The following LMNB1 variants were observed in gnomAD, a reference collection of about 807,000 sequenced individuals.
The protein encoded by LMNB1 is lamin B1, also known as lamin-B1.
A neutral mutation model predicts 67.1 loss-of-function variants in LMNB1; 23 were observed. The observed-to-expected ratio is 0.34, with a 90% CI of 0.25 to 0.49. The LOEUF (loss-of-function observed/expected upper bound fraction) is 0.49, where lower values mean the gene tolerates loss of function less well. Among genes scored for constraint, LMNB1 ranks in the 20% least tolerant of loss-of-function variants. The probability of loss-of-function intolerance (pLI) is 0.99; values close to 1 mark genes in which losing one functional copy is unlikely to be tolerated. For synonymous variants in LMNB1, 281 were observed against 282.9 expected, an observed-to-expected ratio of 0.99 and a Z score of 0.07; for missense variants, 634 against 746.5, an observed-to-expected ratio of 0.85 and a Z score of 1.76.
intron 1 of LMNB1, among the ~76,000 whole-genome samples, chr5:126,781,252 C>T (rs986338471): frequency 6.6e-5 from 10 of 151,956 alleles, no homozygotes; most frequent in East Asian, 3.9e-4. Context: ...ATCACACCAC[C>T]GCACTCCATC....
intron 1 of LMNB1, among the ~76,000 whole-genome samples, chr5:126,800,951 C>CTACATATATATATATATATATATA (rs1210732092): frequency 2.1e-5 from 1 of 47,314 alleles, no homozygotes; most frequent in Admixed American, 3.6e-4. Context: ...TGCAGCCAGA[C>CTACATATATATATATATATATATA]TATATATATA....
intron 1 of LMNB1, among the ~76,000 whole-genome samples, chr5:126,792,821 C>A (rs915487254): frequency 6.6e-6 from 1 of 151,816 alleles, no homozygotes; most frequent in Non-Finnish European, 1.5e-5. Context: ...GGTGATCCAC[C>A]CGCCTCGGCC....
At chr5:126,779,840 G>A (rs1248757296) in intron 1 of LMNB1, among the ~76,000 whole-genome samples, 2 of 152,216 alleles carry the variant, frequency 1.3e-5, no homozygotes, top group African/African-American at 4.8e-5. Flanking sequence ...AGGCCATCCT[G>A]GCTAACAAGG....
chr5:126,781,547 T>C (rs1230309392), intron 1 of LMNB1, among the ~76,000 whole-genome samples: 2 of 151,946 alleles, frequency 1.3e-5, no homozygotes, highest in East Asian at 3.9e-4. Flanking sequence ...AGCGATGCTC[T>C]TGACCCAGCC....
At chr5:126,800,472 G>A (rs1209722977) in intron 1 of LMNB1, among the ~76,000 whole-genome samples, 2 of 151,658 alleles carry the variant, frequency 1.3e-5, no homozygotes, top group African/African-American at 4.8e-5. Flanking sequence ...GGAGAGTGAA[G>A]TCCGAGGCTC....
Position 126,826,097 on chromosome 5 carries a change from C to T in LMNB1, c.1601C>T (p.Ser534Phe). ...GEDVKVILKN[S>F]QGEEVAQRST... ...GATGTGAAGGTTATATTGAAAAATT[C>T]TCAGGGAGAGGTATGGCCAGTTTAT... Residue 534 changes from serine to phenylalanine, a missense_variant, in exon 9 of 11, where the codon TCT (serine) becomes TTT (phenylalanine). Transcript: ENST00000261366. 4 of 1,612,418 alleles carry T rather than the reference C, an allele frequency of 2.5e-6. No individual in the cohort carries two copies. The highest frequency in any genetic ancestry group is 3.4e-6 in the Non-Finnish European group (4 of 1,178,702).
intron 9 of LMNB1, among the ~76,000 whole-genome samples, chr5:126,830,540 A>G (rs1172030755): frequency 1.3e-5 from 2 of 152,170 alleles, no homozygotes; most frequent in Non-Finnish European, 2.9e-5. Context: ...TGGTTTTTGC[A>G]TGTTTTCAAA....
In LMNB1 at chr5:126,784,348, A is replaced by ATTATT. The variant is rs543417011; in HGVS notation, c.359+6499_359+6503dup. Among the ~76,000 whole-genome samples, 353 of 129,634 alleles carry ATTATT rather than the reference A, an allele frequency of 2.7e-3. 3 individuals carry two copies. Among genetic ancestry groups the ATTATT allele is most frequent in the African/African-American group, 9.6e-3 (330 of 34,364 alleles). The allele number at this position is 129,634 out of a possible 152,430, so 85.0% of individuals were successfully genotyped here. On this transcript the variant is annotated intron_variant, in intron 1 of 10. Transcript: ENST00000261366. ...CTGGCCGGCTGTCATTTGAATTTTT[A>ATTATT]TTATTTTATTTTATTTTATTTTTTT...
intron 6 of LMNB1, among the ~76,000 whole-genome samples, 172 bp from the exon 7 acceptor site, chr5:126,820,738 C>T (rs1254771796): frequency 6.6e-6 from 1 of 151,858 alleles, no homozygotes; most frequent in Non-Finnish European, 1.5e-5. Context: ...GTTGGTCAGG[C>T]TGATCTTGAA....
intron 1 of LMNB1, among the ~76,000 whole-genome samples, chr5:126,788,972 T>G (rs796285882): frequency 6.6e-6 from 1 of 151,554 alleles, no homozygotes; most frequent in Non-Finnish European, 1.5e-5. Context: ...CATGGTTCAC[T>G]ATAACCTGGA....
At chr5:126,787,933 G>A (rs1314337022) in intron 1 of LMNB1, among the ~76,000 whole-genome samples, 1 of 151,920 alleles carries the variant, frequency 6.6e-6, no homozygotes, top group Non-Finnish European at 1.5e-5. Flanking sequence ...AGATTTTAAG[G>A]CAGAATTGTG....
chr5:126,804,151 C>A (rs999419926), intron 1 of LMNB1, among the ~76,000 whole-genome samples: 1 of 151,514 alleles, frequency 6.6e-6, no homozygotes, highest in Non-Finnish European at 1.5e-5. Context: ...TGGCTCACTG[C>A]AGCCTCAACC....
intron 4 of LMNB1, among the ~76,000 whole-genome samples, chr5:126,810,673 T>C (rs1751561067): frequency 6.6e-6 from 1 of 152,236 alleles, no homozygotes; most frequent in Non-Finnish European, 1.5e-5. Flanking sequence ...TAACAAGTAC[T>C]GATCATGCTG....
intron 4 of LMNB1, among the ~76,000 whole-genome samples, chr5:126,811,560 G>A (rs897424435): frequency 6.6e-6 from 1 of 152,104 alleles, no homozygotes; most frequent in Non-Finnish European, 1.5e-5. Flanking sequence ...AGGTATATTA[G>A]CATTCTTAAA....
rs536392480 is a variant in LMNB1, at chr5:126,828,276, G to A, written c.1611+2169G>A. Among the ~76,000 whole-genome samples, 67 of 152,166 alleles carry A rather than the reference G, an allele frequency of 4.4e-4. No homozygotes were observed. In the South Asian group the frequency reaches 0.013, roughly 30 times the overall value. On this transcript the variant is annotated intron_variant, in intron 9 of 10. Coordinates refer to ENST00000261366, the MANE Select transcript of LMNB1 (RefSeq NM_005573.4). Reference sequence around the variant, plus strand: ...TACAAGGCAGATTAAATGGACTTTCGTGAGCCATGGAATCTAGTCATTATT... The same window carrying A: ...TACAAGGCAGATTAAATGGACTTTCATGAGCCATGGAATCTAGTCATTATT...
intron 1 of LMNB1, among the ~76,000 whole-genome samples, chr5:126,798,762 A>AT (rs142450316): frequency 7.4e-5 from 11 of 149,180 alleles, no homozygotes; most frequent in Admixed American, 2.0e-4. Flanking sequence ...AAAAAAGAGA[A>AT]GTGTGTGTGT....
rs148447267 is a variant in LMNB1 at position 126,805,228 on chromosome 5, A to T, written c.516+296A>T. Among the ~76,000 whole-genome samples the T allele has an allele frequency of 3.2e-3, 494 of 152,306 alleles. 4 individuals are homozygous for T. Among genetic ancestry groups the T allele is most frequent in the African/African-American group, 0.012 (479 of 41,560 alleles). ...AAGCCTATTTTGTTAGTTAGGAAAT[A>T]AGTAAGAAAAGAGATGCCAAAATGC... On this transcript the variant is annotated intron_variant, in intron 2 of 10. Transcript: ENST00000261366.
At chr5:126,796,102 T>C (rs1751085340) in intron 1 of LMNB1, among the ~76,000 whole-genome samples, 1 of 151,496 alleles carries the variant, frequency 6.6e-6, no homozygotes, top group Non-Finnish European at 1.5e-5. Context: ...CCGGCCAATT[T>C]TGTATTTTTA....
chr5:126,807,403 A>T (rs894340584), intron 3 of LMNB1, among the ~76,000 whole-genome samples: 2 of 152,250 alleles, frequency 1.3e-5, no homozygotes, highest in Non-Finnish European at 2.9e-5. Flanking sequence ...AACAAAATAG[A>T]TATTAGTGCA....
Sources: allele counts gnomAD v4.1 joint callset (sites outside exome capture counted in the v4.1 genomes callset), GRCh38; gene constraint gnomAD v4.1.1; transcripts MANE v1.5; gene names NCBI Gene and HGNC (gene_info 2026-07-23, HGNC 2026-07-21).